The following TNRC6B variants were observed in gnomAD, a reference collection of about 807,000 sequenced individuals.
TNRC6B encodes trinucleotide repeat containing adaptor 6B.
In TNRC6B, 52 loss-of-function variants were observed where a neutral mutation model predicts 203.6. That is an observed-to-expected ratio of 0.26 (90% CI 0.20 to 0.32). The LOEUF is 0.32. TNRC6B is among the 10% of genes least tolerant of loss of function. The pLI, the probability that TNRC6B is intolerant of heterozygous loss-of-function variation, is 1.00. For synonymous variants in TNRC6B, 838 were observed against 845.7 expected (o/e 0.99, Z 0.16); for missense variants, 1,923 against 2,286.2 (o/e 0.84, Z 3.24).
chr22:40,133,199 C>T (rs2068568430), intron 3 of TNRC6B, among the ~76,000 whole-genome samples: 1 of 151,860 alleles, frequency 6.6e-6, no homozygotes, highest in Admixed American at 6.6e-5. Flanking sequence ...TTCGCTGTCA[C>T]ATAGTGGAAC....
chr22:40,184,768 G>A (rs2146385342), intron 1 of TNRC6B, among the ~76,000 whole-genome samples: 1 of 152,212 alleles, frequency 6.6e-6, no homozygotes, highest in Non-Finnish European at 1.5e-5. Context: ...GATGGGGTTG[G>A]AGAAATGTAA....
At chr22:40,119,190 T>C (rs531795057) in intron 2 of TNRC6B, among the ~76,000 whole-genome samples, 2 of 152,328 alleles carry the variant, frequency 1.3e-5, no homozygotes, top group African/African-American at 4.8e-5. Context: ...CTGTCATGTG[T>C]GTAGCAAGCA....
At chr22:40,144,628 T>C (rs1024265292) in intron 3 of TNRC6B, among the ~76,000 whole-genome samples, 131 of 150,246 alleles carry the variant, frequency 8.7e-4, no homozygotes, top group Non-Finnish European at 1.5e-3. Context: ...TGAGCCGAGA[T>C]TGTGCCACTG....
At chr22:40,224,410 C>G (rs1302777743) in intron 1 of TNRC6B, among the ~76,000 whole-genome samples, 2 of 152,158 alleles carry the variant, frequency 1.3e-5, no homozygotes, top group Admixed American at 1.3e-4. Context: ...TCATTTCCTT[C>G]ACCCATTTTT....
intron 1 of TNRC6B, among the ~76,000 whole-genome samples, chr22:40,181,584 C>T (rs546805873): frequency 6.6e-6 from 1 of 152,292 alleles, no homozygotes; most frequent in Non-Finnish European, 1.5e-5. Flanking sequence ...ATATTCAGAG[C>T]AAGTTCCTGG....
chr22:40,253,258 T>G (rs900773445), intron 3 of TNRC6B, among the ~76,000 whole-genome samples: 1 of 150,780 alleles, frequency 6.6e-6, no homozygotes, highest in African/African-American at 2.4e-5. Context: ...ATTTTTTTTT[T>G]TTTTTGTATT....
chr22:40,134,068 C>T (rs1272625949), intron 3 of TNRC6B, among the ~76,000 whole-genome samples: 4 of 148,914 alleles, frequency 2.7e-5, no homozygotes, highest in African/African-American at 9.9e-5. Context: ...TGTTACATCA[C>T]ATCAAAACTT....
chr22:40,318,677 A>G (rs185471712), intron 21 of TNRC6B, among the ~76,000 whole-genome samples: 1 of 152,210 alleles, frequency 6.6e-6, no homozygotes, highest in African/African-American at 2.4e-5. Context: ...TTGTCACACA[A>G]TGTGATTATG....
intron 3 of TNRC6B, among the ~76,000 whole-genome samples, chr22:40,252,651 A>G (rs1372235989): frequency 6.6e-6 from 1 of 152,234 alleles, no homozygotes; most frequent in East Asian, 1.9e-4. Context: ...ATTAGTTATA[A>G]TTAATTGGTT....
intron 1 of TNRC6B, among the ~76,000 whole-genome samples, chr22:40,198,267 G>A (rs2069366282): frequency 1.3e-5 from 2 of 152,228 alleles, no homozygotes; most frequent in South Asian, 4.1e-4. Context: ...CTTCATAGAT[G>A]ATGCAAAGTT....
chr22:40,301,009 C>T lies in TNRC6B; in HGVS notation c.3936+4C>T, dbSNP rs760407565. The T allele has an allele frequency of 1.8e-5, 29 of 1,610,760 alleles. No homozygotes were observed. The highest frequency in any genetic ancestry group is 1.1e-5 in the South Asian group (1 of 90,264). ...ACGCCAACAGCAAGAGCAGCAGGTA[C>T]GTGGGTAGGCAGGGTCCCTCCAGTG... is the stretch of plus-strand genomic sequence containing the variant. On this transcript the variant is annotated splice_donor_region_variant and intron_variant, in intron 14 of 22. Coordinates refer to ENST00000454349, the MANE Select transcript of TNRC6B (RefSeq NM_001162501.2).
chr22:40,237,215 A>G (rs960846691), intron 1 of TNRC6B, among the ~76,000 whole-genome samples: 29 of 152,156 alleles, frequency 1.9e-4, no homozygotes, highest in Admixed American at 7.9e-4. Context: ...CACACATCCA[A>G]GATCCTGGTA....
At chr22:40,077,222 C>T (rs542932911) in intron 1 of TNRC6B, among the ~76,000 whole-genome samples, 54 of 152,164 alleles carry the variant, frequency 3.5e-4, no homozygotes, top group African/African-American at 1.2e-3. Context: ...ATTTCGCTCA[C>T]GGTAGTCTGC....
chr22:40,049,248 G>A (rs1034220633), intron 1 of TNRC6B, among the ~76,000 whole-genome samples: 2 of 151,950 alleles, frequency 1.3e-5, no homozygotes, highest in African/African-American at 4.8e-5. Flanking sequence ...ATTTCACCAT[G>A]TTGGCCAGGC....
Position 40,075,156 on chromosome 22 carries a change from ATTT to A in TNRC6B, c.-121+30179_-121+30181del, listed in dbSNP as rs58240994. Among the ~76,000 whole-genome samples, 315 of 35,528 alleles carry A rather than the reference ATTT, an allele frequency of 8.9e-3. 4 individuals carry two copies. The highest frequency in any genetic ancestry group is 0.028 in the African/African-American group (275 of 9,664). 23.3% of individuals were successfully genotyped at this position (35,528 alleles called of 152,430 possible). ...TCTGTTCATATATATATATATATAT[ATTT>A]TTTTTTTTTTTTTTTTTTTTCTTAC... On this transcript the variant is annotated intron_variant, in intron 1 of 23. Transcript: ENST00000301923.
intron 7 of TNRC6B, among the ~76,000 whole-genome samples, chr22:40,276,553 G>C (rs1488347529): frequency 6.6e-6 from 1 of 152,148 alleles, no homozygotes; most frequent in East Asian, 1.9e-4. Flanking sequence ...TTGCCCAGGA[G>C]ATCAGCAATG....
chr22:40,096,175 T>C (rs1431483669), intron 1 of TNRC6B, among the ~76,000 whole-genome samples: 1 of 152,180 alleles, frequency 6.6e-6, no homozygotes, highest in Non-Finnish European at 1.5e-5. Context: ...TGGCCAAAAC[T>C]TTATGAGACT....
chr22:40,322,385 A>T (rs962963794), intron 22 of TNRC6B, among the ~76,000 whole-genome samples: 14 of 152,190 alleles, frequency 9.2e-5, no homozygotes, highest in Non-Finnish European at 2.9e-5. Context: ...TGTAGTTTAC[A>T]TTAGAGTTCA....
chr22:40,302,398 G>T (rs1047599211), intron 15 of TNRC6B, among the ~76,000 whole-genome samples: 3 of 152,162 alleles, frequency 2.0e-5, no homozygotes, highest in African/African-American at 7.2e-5. Flanking sequence ...CCCTTGGGAG[G>T]CTGAGGCAGG....
Sources: gnomAD v4.1 joint callset for allele counts (sites outside exome capture counted in the v4.1 genomes callset) on GRCh38, gnomAD v4.1.1 for gene constraint, MANE v1.5 for transcripts, NCBI Gene and HGNC (gene_info 2026-07-23, HGNC 2026-07-21) for gene names.